C1orf21: variants seen among roughly 807,000 people sequenced by gnomAD.
C1orf21 encodes uncharacterized protein C1orf21.
Under a neutral mutation model 18.7 loss-of-function variants are expected in C1orf21, and 3 were observed. The observed-to-expected ratio is 0.16, with a 90% CI of 0.07 to 0.42. C1orf21 has a LOEUF of 0.42. C1orf21 is among the 10% of genes least tolerant of loss of function. The probability of loss-of-function intolerance (pLI) is 0.99; values close to 1 mark genes in which losing one functional copy is unlikely to be tolerated. For missense variants in C1orf21, 104 were observed against 143.6 expected, an observed-to-expected ratio of 0.72 and a Z score of 1.41; for synonymous variants, 41 against 46.4, an observed-to-expected ratio of 0.88 and a Z score of 0.47.
At chr1:184,512,244 C>T (rs1220034006) in intron 3 of C1orf21, among the ~76,000 whole-genome samples, 1 of 152,310 alleles carries the variant, frequency 6.6e-6, no homozygotes, top group African/African-American at 2.4e-5. Flanking sequence ...TAGTACTTAA[C>T]ACAACTGTTT....
intron 1 of C1orf21, among the ~76,000 whole-genome samples, chr1:184,404,529 T>C (rs907701042): frequency 3.3e-5 from 5 of 152,136 alleles, no homozygotes; most frequent in African/African-American, 1.2e-4. Flanking sequence ...GGGCTGGAGT[T>C]GCCCTTCTTT....
chr1:184,593,065 TATC>T (rs1659462424), intron 4 of C1orf21, among the ~76,000 whole-genome samples: 1 of 152,198 alleles, frequency 6.6e-6, no homozygotes, highest in Non-Finnish European at 1.5e-5. Flanking sequence ...CAAACCACCT[TATC>T]ATCCAGGATG....
intron 1 of C1orf21, among the ~76,000 whole-genome samples, chr1:184,423,303 C>G (rs556175222): frequency 4.6e-5 from 7 of 152,208 alleles, no homozygotes; most frequent in African/African-American, 1.7e-4. Flanking sequence ...ATAATCTATG[C>G]AATAATGTAC....
intron 2 of C1orf21, among the ~76,000 whole-genome samples, chr1:184,495,969 A>G (rs149018497): frequency 2.7e-5 from 4 of 149,926 alleles, no homozygotes; most frequent in Non-Finnish European, 4.5e-5. Flanking sequence ...GCTTTCTGTT[A>G]GGTACACTCA....
intron 2 of C1orf21, among the ~76,000 whole-genome samples, chr1:184,497,751 A>T (rs1657913720): frequency 6.6e-6 from 1 of 152,178 alleles, no homozygotes; most frequent in Admixed American, 6.5e-5. Context: ...ATTCTTTCTA[A>T]AAGTTGTATA....
Position 184,625,327 on chromosome 1 carries a change from A to C in C1orf21, c.*5771A>C, listed in dbSNP as rs923940756. The C allele has an allele frequency of 1.3e-5, 2 of 152,556 alleles. No individual in the cohort carries two copies. Among genetic ancestry groups the C allele is most frequent in the Non-Finnish European group, 2.9e-5 (2 of 68,036 alleles). 9.5% of individuals were successfully genotyped at this position (152,556 alleles called of 1,614,324 possible). ...CTCTTGGCATTGACTCTAAAGGGAG[A>C]GAATAGCCCCTGTGTCCTGGCATTT... On this transcript the variant is annotated 3_prime_UTR_variant, in exon 6 of 6. Coordinates refer to ENST00000235307, the MANE Select transcript of C1orf21 (RefSeq NM_030806.4).
intron 1 of C1orf21, among the ~76,000 whole-genome samples, chr1:184,458,074 T>C (rs767014494): frequency 6.6e-6 from 1 of 152,098 alleles, no homozygotes; most frequent in African/African-American, 2.4e-5. Context: ...AGTTGGTACA[T>C]AGTAGAGCCT....
At chr1:184,536,349 G>T (rs1196158299) in intron 3 of C1orf21, among the ~76,000 whole-genome samples, 1 of 152,190 alleles carries the variant, frequency 6.6e-6, no homozygotes, top group Non-Finnish European at 1.5e-5. Context: ...TCACCCTGTG[G>T]TTGAGTCTGC....
At chr1:184,405,098 T>A (rs566279340) in intron 1 of C1orf21, among the ~76,000 whole-genome samples, 1 of 152,346 alleles carries the variant, frequency 6.6e-6, no homozygotes, top group South Asian at 2.1e-4. Context: ...GAGATTACCT[T>A]ATGTTATGCA....
intron 1 of C1orf21, among the ~76,000 whole-genome samples, chr1:184,422,918 C>G (rs551101552): frequency 5.7e-4 from 87 of 152,316 alleles, no homozygotes; most frequent in Non-Finnish European, 1.0e-3. Context: ...GATTGACTTG[C>G]TGCAGGGAAA....
chr1:184,444,346 A>T (rs1257800482), intron 1 of C1orf21, among the ~76,000 whole-genome samples: 2 of 152,030 alleles, frequency 1.3e-5, no homozygotes, highest in East Asian at 1.9e-4. Flanking sequence ...AGATAATTTG[A>T]ATCATGGGGT....
At chr1:184,576,125 T>C (rs1260467578) in intron 3 of C1orf21, among the ~76,000 whole-genome samples, 2 of 150,266 alleles carry the variant, frequency 1.3e-5, no homozygotes, top group Non-Finnish European at 3.0e-5. Flanking sequence ...CTGTCACTTT[T>C]TTTTTCTTTT....
chr1:184,602,167 C>T (rs533973614), intron 5 of C1orf21, among the ~76,000 whole-genome samples: 9 of 152,280 alleles, frequency 5.9e-5, no homozygotes, highest in Admixed American at 5.2e-4. Flanking sequence ...GAGTGAGGTT[C>T]TCCTCCGTGG....
At chr1:184,606,066 T>C (rs1289867022) in intron 5 of C1orf21, among the ~76,000 whole-genome samples, 2 of 152,214 alleles carry the variant, frequency 1.3e-5, no homozygotes, top group East Asian at 3.8e-4. Context: ...CTCCCTCCTA[T>C]GTGGTGTAAT....
intron 1 of C1orf21, among the ~76,000 whole-genome samples, chr1:184,401,241 A>G (rs1051390128): frequency 3.3e-5 from 5 of 151,402 alleles, no homozygotes; most frequent in East Asian, 1.9e-4. Flanking sequence ...ATTTTTTGAG[A>G]TGGAGTTTCA....
intron 5 of C1orf21, among the ~76,000 whole-genome samples, chr1:184,617,358 T>C (rs1164138534): frequency 6.6e-6 from 1 of 152,204 alleles, no homozygotes; most frequent in East Asian, 1.9e-4. Flanking sequence ...TTGGGTCCAT[T>C]TGTAAGTTAC....
intron 1 of C1orf21, among the ~76,000 whole-genome samples, chr1:184,443,112 C>T (rs1656973238): frequency 6.6e-6 from 1 of 152,180 alleles, no homozygotes; most frequent in Admixed American, 6.5e-5. Context: ...TGTGCATTTT[C>T]CTGAAAGGAG....
chr1:184,505,866 C>CT (rs568990389), intron 2 of C1orf21, among the ~76,000 whole-genome samples: 23 of 147,342 alleles, frequency 1.6e-4, no homozygotes, highest in South Asian at 6.5e-4. Flanking sequence ...CCATTTTTAC[C>CT]TTTTTTTTTT....
At chr1:184,546,369 A>G (rs1364769368) in intron 3 of C1orf21, among the ~76,000 whole-genome samples, 3 of 152,220 alleles carry the variant, frequency 2.0e-5, no homozygotes, top group Non-Finnish European at 4.4e-5. Flanking sequence ...CAGGAGGCAG[A>G]GGCTGCAGTG....
Sources: gnomAD v4.1 joint callset for allele counts (sites outside exome capture counted in the v4.1 genomes callset) on GRCh38, gnomAD v4.1.1 for gene constraint, MANE v1.5 for transcripts, NCBI Gene and HGNC (gene_info 2026-07-23, HGNC 2026-07-21) for gene names.